RUFY4: variants seen among roughly 807,000 people sequenced by gnomAD.
The protein encoded by RUFY4 is RUN and FYVE domain containing 4.
A neutral mutation model predicts 69.0 loss-of-function variants in RUFY4; 73 were observed. The ratio of observed to expected loss-of-function variants is 1.06; its 90% CI spans 0.88 to 1.29. The LOEUF is 1.29. RUFY4 is among the 50% of genes most tolerant of loss of function. RUFY4 has a pLI of 0.00. For missense variants in RUFY4, 770 were observed against 705.6 expected (o/e 1.09, Z -1.03); for synonymous variants, 287 against 271.8 (o/e 1.06, Z -0.55).
intron 10 of RUFY4, chr2:218,089,746 G>A (rs1458025699): frequency 4.3e-6 from 3 of 704,758 alleles, no homozygotes; most frequent in African/African-American, 1.7e-5. Context: ...GCCATGTGGA[G>A]GTGGAGGCTC....
At chr2:218,045,950 T>G (rs553711103) in intron 2 of RUFY4, among the ~76,000 whole-genome samples, 55 of 152,120 alleles carry the variant, frequency 3.6e-4, no homozygotes, top group African/African-American at 1.2e-3. Flanking sequence ...GACTACAGGC[T>G]CCCGCCATGG....
At chr2:218,039,593 A>G (rs1396893163) in intron 2 of RUFY4, among the ~76,000 whole-genome samples, 1 of 152,200 alleles carries the variant, frequency 6.6e-6, no homozygotes, top group South Asian at 2.1e-4. Context: ...TGAAGGTGCC[A>G]GAAGACTCAA....
chr2:218,065,355 G>T (rs575786833), upstream of RUFY4, among the ~76,000 whole-genome samples: 1 of 152,268 alleles, frequency 6.6e-6, no homozygotes, highest in African/African-American at 2.4e-5. Context: ...GGGCGAGGAA[G>T]GAGGAAGGGC....
chr2:218,081,990 A>G (rs1215693180), intron 8 of RUFY4, among the ~76,000 whole-genome samples: 1 of 152,240 alleles, frequency 6.6e-6, no homozygotes, highest in Non-Finnish European at 1.5e-5. Flanking sequence ...ACGTACATGC[A>G]TCCTGAGCGC....
chr2:218,074,530 C>T (rs1397194221), intron 6 of RUFY4, among the ~76,000 whole-genome samples: 5 of 151,790 alleles, frequency 3.3e-5, no homozygotes, highest in East Asian at 3.9e-4. Context: ...TTCTCTGGTC[C>T]GAAAAGTTCA....
chr2:218,072,159 G>A (rs1220486349), intron 2 of RUFY4, among the ~76,000 whole-genome samples: 3 of 152,198 alleles, frequency 2.0e-5, no homozygotes, highest in Non-Finnish European at 4.4e-5. Flanking sequence ...AGCTCAATAA[G>A]GGCCTCTGAA....
chr2:218,080,055 G>C (rs1221728154), intron 8 of RUFY4, among the ~76,000 whole-genome samples: 1 of 152,218 alleles, frequency 6.6e-6, no homozygotes, highest in Non-Finnish European at 1.5e-5. Flanking sequence ...CAAATATCTA[G>C]TGAGAAGTGC....
rs774654568 is a variant in RUFY4 at position 218,073,815 on chromosome 2, G to A, written c.531-1G>A. 82 of 1,613,786 alleles carry A rather than the reference G, an allele frequency of 5.1e-5. 1 individual carries two copies. The Admixed American group carries it at 1.3e-3, about 26-fold the overall frequency. Reference sequence around the variant, plus strand: ...GGTCCCCCTGCCTCTTTCACTTTCAGGTCACGCTGCTCCAGTTCCACCCAA... The same window carrying A: ...GGTCCCCCTGCCTCTTTCACTTTCAAGTCACGCTGCTCCAGTTCCACCCAA... On this transcript the variant is annotated splice_acceptor_variant, in intron 5 of 10. Coordinates refer to ENST00000344321, the Ensembl canonical transcript of RUFY4. LOFTEE classifies it high-confidence loss of function.
At chr2:218,070,392 G>A (rs1689456303), upstream of RUFY4, 1 of 615,834 alleles carries the variant, frequency 1.6e-6, no homozygotes, top group Non-Finnish European at 2.9e-6. Flanking sequence ...TCAATCGGTG[G>A]AGGCCACACC....
intron 2 of RUFY4, among the ~76,000 whole-genome samples, chr2:218,053,251 G>T (rs550060184): frequency 7.9e-5 from 12 of 152,144 alleles, no homozygotes; most frequent in African/African-American, 2.7e-4. Flanking sequence ...TGGGCCCCTG[G>T]AAAGTCTCAA....
At chr2:218,061,122 T>C in intron 3 of RUFY4, 1 of 512,150 alleles carries the variant, frequency 2.0e-6, no homozygotes, top group Non-Finnish European at 3.9e-6. Flanking sequence ...ATGGGCAATG[T>C]CAGGGAAAAG....
chr2:218,062,949 G>A (rs1241416331), intron 3 of RUFY4, among the ~76,000 whole-genome samples: 1 of 152,134 alleles, frequency 6.6e-6, no homozygotes, highest in Non-Finnish European at 1.5e-5. Context: ...CTCCAGCCTT[G>A]CTGGGGACCC....
intron 9 of RUFY4, among the ~76,000 whole-genome samples, chr2:218,086,513 A>G (rs1317722074): frequency 1.3e-5 from 2 of 152,236 alleles, no homozygotes; most frequent in African/African-American, 4.8e-5. Flanking sequence ...TCTATGGTGC[A>G]ATTCTTTTCA....
chr2:218,078,609 CT>C (rs1689690177), intron 8 of RUFY4, among the ~76,000 whole-genome samples: 1 of 152,126 alleles, frequency 6.6e-6, no homozygotes, highest in East Asian at 1.9e-4. Context: ...AGAGACTTGA[CT>C]TTTTTTAATG....
At chr2:218,042,941 T>C (rs563404279) in intron 2 of RUFY4, among the ~76,000 whole-genome samples, 1 of 152,290 alleles carries the variant, frequency 6.6e-6, no homozygotes, top group East Asian at 1.9e-4. Context: ...ACAAAATAAA[T>C]CTAGTTTTGT....
exon 7 of RUFY4, chr2:218,075,315 C>T: frequency 1.2e-6 from 2 of 1,608,364 alleles, no homozygotes; most frequent in African/African-American, 2.7e-5. Context: ...GGAGCTTCAG[C>T]TAGACCAGGA....
chr2:218,075,545 A>G (rs748590951), exon 7 of RUFY4: 1 of 1,540,040 alleles, frequency 6.5e-7, no homozygotes, highest in East Asian at 2.3e-5. Flanking sequence ...CCAGCCCCAG[A>G]GGGGCTGTAG....
At chr2:218,083,357 A>T in intron 9 of RUFY4, 101 bp downstream of exon 11, 1 of 1,442,312 alleles carries the variant, frequency 6.9e-7, no homozygotes, top group Non-Finnish European at 9.4e-7. Flanking sequence ...ACTCCCAAGC[A>T]GGGTTCTAGA....
chr2:218,066,935 G>A (rs1689347898), upstream of RUFY4, among the ~76,000 whole-genome samples: 2 of 152,354 alleles, frequency 1.3e-5, no homozygotes, highest in East Asian at 1.9e-4. Context: ...TCTAGACTCT[G>A]AGAGCTGAGG....
Sources: allele counts gnomAD v4.1 joint callset (sites outside exome capture counted in the v4.1 genomes callset), GRCh38; gene constraint gnomAD v4.1.1; transcripts MANE v1.5; gene names NCBI Gene and HGNC (gene_info 2026-07-23, HGNC 2026-07-21).